The following CRABP1 variants were observed in gnomAD, a reference collection of about 807,000 sequenced individuals.
CRABP1 encodes cellular retinoic acid binding protein 1, also known as cellular retinoic acid-binding protein 1.
CRABP1 carries 9 observed loss-of-function variants against 16.4 expected under a neutral mutation model. That is an observed-to-expected ratio of 0.55 (90% CI 0.33 to 0.96). The LOEUF (loss-of-function observed/expected upper bound fraction) is 0.96. CRABP1 is among the 40% of genes least tolerant of loss of function. CRABP1 has a pLI of 0.03. For missense variants in CRABP1, 157 were observed against 186.0 expected, an observed-to-expected ratio of 0.84 and a Z score of 0.91; for synonymous variants, 72 against 70.4, an observed-to-expected ratio of 1.02 and a Z score of -0.11.
Position 78,341,864 on chromosome 15 carries a change from C to A in CRABP1, c.249+643C>A, listed in dbSNP as rs1378383613. ...TCCATGCATCGGCCCAGGGATGAAC[C>A]GGTGGATTGAAGCAAGGGGTTGTAC... On this transcript the variant is annotated intron_variant, in intron 2 of 3. Transcript: ENST00000299529. This position sits in a 1 kb window ranked among gnomAD's most constrained non-coding sequence, Gnocchi z 5.3. 6.5e-6 allele frequency: 1 copy of A among 153,724 alleles called. No homozygotes were observed. Among genetic ancestry groups the A allele is most frequent in the Non-Finnish European group, 1.4e-5 (1 of 69,144 alleles). 9.5% of individuals were successfully genotyped at this position (153,724 alleles called of 1,614,324 possible).
At chr15:78,343,905 A>G (rs962357133) in intron 3 of CRABP1, among the ~76,000 whole-genome samples, 1 of 152,188 alleles carries the variant, frequency 6.6e-6, no homozygotes, top group African/African-American at 2.4e-5. Context: ...CTTTAAGCCA[A>G]GCTCCCCTCT....
rs202225866 is a variant in CRABP1, at chr15:78,346,987, G to GTTTTTT, written c.364-935_364-934insTTTTTT. Among the ~76,000 whole-genome samples, 3 of 143,144 alleles carry GTTTTTT rather than the reference G, an allele frequency of 2.1e-5. 1 individual carries two copies. Among genetic ancestry groups the GTTTTTT allele is most frequent in the Non-Finnish European group, 4.5e-5 (3 of 66,782 alleles). The allele number at this position is 143,144 out of a possible 152,430, so 93.9% of individuals were successfully genotyped here. A position where few individuals can be genotyped will look rare whatever the true frequency, so the allele number is the denominator to read the frequency against. ...GGGGAATTTCTGTTTCTTGGTTTTTGTTTTTGTTTTTTTTTTTTTTAACAT... is the reference window on the plus strand; with the variant it reads ...GGGGAATTTCTGTTTCTTGGTTTTTGTTTTTTTTTTTGTTTTTTTTTTTTTTAACAT... On this transcript the variant is annotated intron_variant, in intron 3 of 3. Coordinates refer to ENST00000299529, the MANE Select transcript of CRABP1 (RefSeq NM_004378.3).
rs1163208781 is a variant in CRABP1, at chr15:78,341,631, C to T, written c.249+410C>T. The T allele has an allele frequency of 1.5e-5, 4 of 273,344 alleles. No homozygotes were observed. The highest frequency in any genetic ancestry group is 6.7e-5 in the African/African-American group (3 of 44,718). The allele number at this position is 273,344 out of a possible 1,614,324, so 16.9% of individuals were successfully genotyped here. ...TGCATTCCTTTCCCGCCGTATCCCC[C>T]GCGCCCGCCCGGGTCCCTGGGCCGC... On this transcript the variant is annotated intron_variant, in intron 2 of 3. Transcript: ENST00000299529. This position sits in a 1 kb window ranked among gnomAD's most constrained non-coding sequence, Gnocchi z 5.3.
rs1481799002 is a variant in CRABP1, at chr15:78,340,982, G to A, written c.71-61G>A. The A allele has an allele frequency of 3.2e-6, 5 of 1,538,520 alleles. No individual in the cohort carries two copies. The East Asian group carries it at 9.1e-5, about 28-fold the overall frequency. ...TAAAGTTAGGGTATGACCAGTGCCC[G>A]ACCGGTCCCGAGACTGGCGGCGAGG... On this transcript the variant is annotated intron_variant, in intron 1 of 3. Transcript: ENST00000299529.
At chr15:78,342,915 G>A (rs1210011926) in intron 2 of CRABP1, among the ~76,000 whole-genome samples, 2 of 152,146 alleles carry the variant, frequency 1.3e-5, no homozygotes. Flanking sequence ...GAGGTCAGGA[G>A]TTCGAGACCA....
In CRABP1 at chr15:78,348,181, A is replaced by T; in HGVS notation, c.*204A>T. ...TATCCCTAGTGCTCCATAGTTTGGC[A>T]TTTGCACGGTTTCGAAGTCATTAAA... On this transcript the variant is annotated 3_prime_UTR_variant, in exon 4 of 4. Transcript: ENST00000299529. 1.7e-6 allele frequency: 1 copy of T among 579,464 alleles called. No individual in the cohort carries two copies. The highest frequency in any genetic ancestry group is 2.8e-5 in the East Asian group (1 of 35,496). The allele number at this position is 579,464 out of a possible 1,614,324, so 35.9% of individuals were successfully genotyped here. A position where few individuals can be genotyped will look rare whatever the true frequency, so the allele number is the denominator to read the frequency against.
chr15:78,340,884 G>A (rs1227707574), intron 1 of CRABP1, 159 bp from the exon 2 acceptor site: 5 of 746,662 alleles, frequency 6.7e-6, no homozygotes, highest in Non-Finnish European at 1.1e-5. Flanking sequence ...TACCCTCTCT[G>A]TGCCTCAGTC....
chr15:78,348,130 C>G lies in CRABP1; in HGVS notation c.*153C>G. 1 of 690,936 alleles carries G rather than the reference C, an allele frequency of 1.4e-6. No homozygotes were observed. Among genetic ancestry groups the G allele is most frequent in the Non-Finnish European group, 2.5e-6 (1 of 407,398 alleles). 42.8% of individuals were successfully genotyped at this position (690,936 alleles called of 1,614,324 possible). On this transcript the variant is annotated 3_prime_UTR_variant, in exon 4 of 4. Coordinates refer to ENST00000299529, the MANE Select transcript of CRABP1 (RefSeq NM_004378.3). ...ACAATGTTGTAGTGTCCCCCACCCCCACCCCCCAGGCCTTGGTGCCTCTTG... is the reference window on the plus strand; with the variant it reads ...ACAATGTTGTAGTGTCCCCCACCCCGACCCCCCAGGCCTTGGTGCCTCTTG...
At position 78,341,558 on chromosome 15, in the gene CRABP1, G is replaced by A. The variant is rs529428001; in HGVS notation, c.249+337G>A. 3.0e-6 allele frequency: 1 copy of A among 336,858 alleles called. No homozygotes were observed. The highest frequency in any genetic ancestry group is 7.6e-5 in the East Asian group (1 of 13,124). 20.9% of individuals were successfully genotyped at this position (336,858 alleles called of 1,614,324 possible). A position where few individuals can be genotyped will look rare whatever the true frequency, so the allele number is the denominator to read the frequency against. On this transcript the variant is annotated intron_variant, in intron 2 of 3. Coordinates refer to ENST00000299529, the MANE Select transcript of CRABP1 (RefSeq NM_004378.3). The surrounding 1 kb of genome is among the most constrained non-coding windows in gnomAD (Gnocchi z 5.3). ...CGCAGGCGGCGCAGGAGGAGGAGGA[G>A]GTTGCAGGAGCCGCCAGGTTCTCTG...
intron 3 of CRABP1, among the ~76,000 whole-genome samples, chr15:78,345,441 A>G (rs2050260002): frequency 6.6e-6 from 1 of 152,148 alleles, no homozygotes; most frequent in South Asian, 2.1e-4. Flanking sequence ...TTGGGGGAGC[A>G]ATTTGAGGCT....
At chr15:78,342,521 C>CA (rs1391257734) in intron 2 of CRABP1, among the ~76,000 whole-genome samples, 2 of 152,204 alleles carry the variant, frequency 1.3e-5, no homozygotes, top group Admixed American at 6.5e-5. Context: ...GCCCACCCCC[C>CA]AGCCCAGCTG....
At position 78,340,766 on chromosome 15, in the gene CRABP1, G is replaced by A. The variant is rs146588756; in HGVS notation, c.70+268G>A. 19 of 600,382 alleles carry A rather than the reference G, an allele frequency of 3.2e-5. No individual in the cohort carries two copies. In the East Asian group the frequency reaches 3.9e-4, roughly 12 times the overall value. 37.2% of individuals were successfully genotyped at this position (600,382 alleles called of 1,614,324 possible). ...ACTTTATCTCGTGCTAGATCATAGC[G>A]AGGAGAGATTACTGGAGAGCAAGGA... is the stretch of plus-strand genomic sequence containing the variant. On this transcript the variant is annotated intron_variant, in intron 1 of 3. Coordinates refer to ENST00000299529, the MANE Select transcript of CRABP1 (RefSeq NM_004378.3).
At chr15:78,347,029 G>A (rs575574409) in intron 3 of CRABP1, among the ~76,000 whole-genome samples, 8 of 147,714 alleles carry the variant, frequency 5.4e-5, no homozygotes, top group East Asian at 4.0e-4. Flanking sequence ...TGCTTTCCCT[G>A]TTCTAACTGC....
intron 3 of CRABP1, 46 bp downstream of exon 3, chr15:78,343,658 GGGGCCCCAGAT>G: frequency 6.5e-7 from 1 of 1,544,922 alleles, no homozygotes; most frequent in Non-Finnish European, 8.9e-7. Context: ...TCCCCCAGAG[GGGGCCCCAGAT>G]GGGCCCCACA....
At position 78,341,134 on chromosome 15, in the gene CRABP1, G is replaced by C; in HGVS notation, c.162G>C (p.Lys54Asn). ...IRQDGDQFYI[K>N]TSTTVRTTEI... ...AGGACGGGGATCAGTTCTACATCAA[G>C]ACATCCACCACGGTGCGCACCACTG... Residue 54 changes from lysine to asparagine, a missense_variant, in exon 2 of 4, where the codon AAG becomes AAC. Coordinates refer to ENST00000299529, the MANE Select transcript of CRABP1 (RefSeq NM_004378.3). This position sits in a 1 kb window ranked among gnomAD's most constrained non-coding sequence, Gnocchi z 5.3. 1 of 1,613,170 alleles carries C rather than the reference G, an allele frequency of 6.2e-7. No homozygotes were observed. Among genetic ancestry groups the C allele is most frequent in the African/African-American group, 1.3e-5 (1 of 75,048 alleles).
intron 2 of CRABP1, among the ~76,000 whole-genome samples, chr15:78,342,228 A>G (rs1242642839): frequency 6.6e-6 from 1 of 152,094 alleles, no homozygotes; most frequent in East Asian, 1.9e-4. Flanking sequence ...AGGGGGTGGG[A>G]TCTGAAGCCT....
intron 3 of CRABP1, 145 bp from the exon 4 acceptor site, chr15:78,347,782 T>C (rs941445846): frequency 5.3e-6 from 4 of 752,794 alleles, no homozygotes; most frequent in Non-Finnish European, 9.2e-6. Context: ...CCCTTAATGC[T>C]TAGCCTGAGC....
chr15:78,342,931 G>C (rs2050243043), intron 2 of CRABP1, among the ~76,000 whole-genome samples: 1 of 152,058 alleles, frequency 6.6e-6, no homozygotes, highest in Non-Finnish European at 1.5e-5. Flanking sequence ...GACCAGCCTG[G>C]TGAAACCCCA....
intron 2 of CRABP1, among the ~76,000 whole-genome samples, chr15:78,342,789 G>A (rs1048864256): frequency 8.5e-5 from 13 of 152,216 alleles, no homozygotes; most frequent in African/African-American, 2.9e-4. Flanking sequence ...GCAGGGAATC[G>A]TGCTCCTGAT....
Sources: gnomAD v4.1 joint callset for allele counts (sites outside exome capture counted in the v4.1 genomes callset) on GRCh38, gnomAD v4.1.1 for gene constraint, Gnocchi (gnomAD v3.1) non-coding constraint, MANE v1.5 for transcripts, NCBI Gene and HGNC (gene_info 2026-07-23, HGNC 2026-07-21) for gene names.